The following UIMC1 variants were observed in gnomAD, a reference collection of about 807,000 sequenced individuals.
UIMC1 encodes the protein ubiquitin interaction motif containing 1.
In UIMC1, 42 loss-of-function variants were observed where a neutral mutation model predicts 84.9. The ratio of observed to expected loss-of-function variants is 0.49; its 90% confidence interval spans 0.39 to 0.64. UIMC1 has a LOEUF of 0.64. Among genes scored for constraint, UIMC1 ranks in the 30% least tolerant of loss-of-function variants. The pLI is 0.00. For synonymous variants in UIMC1, 281 were observed against 293.0 expected, an observed-to-expected ratio of 0.96 and a Z score of 0.42; for missense variants, 825 against 847.6, an observed-to-expected ratio of 0.97 and a Z score of 0.33.
intron 1 of UIMC1, 140 bp from the exon 2 acceptor site, chr5:176,982,763 G>A (rs993710576): frequency 1.1e-5 from 11 of 998,496 alleles, no homozygotes; most frequent in Admixed American, 2.9e-5. Flanking sequence ...GCAATGGCAC[G>A]ATCTTGGCTC....
In UIMC1 at chr5:176,969,335, T is replaced by C. The variant is rs1020801496; in HGVS notation, c.464-44A>G. The stretch of plus-strand genomic sequence containing the variant: ...AAGTAGGGCTAAGGACAAACTTTTT[T>C]ATTAAGAGGGCTTGGTAAGTTATCA... On this transcript the variant is annotated intron_variant, in intron 5 of 14. Coordinates refer to ENST00000511320, the MANE Select transcript of UIMC1 (RefSeq NM_001199298.2). 3.2e-6 allele frequency: 5 copies of C among 1,549,372 alleles called. No homozygotes were observed. The East Asian group carries it at 6.8e-5, about 21-fold the overall frequency.
chr5:176,930,485 T>C (rs992516419), intron 10 of UIMC1, among the ~76,000 whole-genome samples: 1 of 152,216 alleles, frequency 6.6e-6, no homozygotes, highest in Non-Finnish European at 1.5e-5. Flanking sequence ...CTTCCTCTTT[T>C]ATAAGTGAAA....
chr5:176,946,165 G>A (rs556784620), intron 9 of UIMC1, among the ~76,000 whole-genome samples: 10 of 152,156 alleles, frequency 6.6e-5, no homozygotes, highest in East Asian at 1.9e-4. Context: ...GACCCGCCCC[G>A]GACCCAGCTT....
intron 2 of UIMC1, among the ~76,000 whole-genome samples, chr5:176,980,537 T>A (rs1383330015): frequency 6.6e-6 from 1 of 152,178 alleles, no homozygotes; most frequent in African/African-American, 2.4e-5. Flanking sequence ...ACAGATGACA[T>A]CAAGAAATTA....
intron 6 of UIMC1, 140 bp from the exon 7 acceptor site, chr5:176,958,294 G>C (rs1766870667): frequency 1.1e-5 from 7 of 620,930 alleles, no homozygotes; most frequent in Non-Finnish European, 1.6e-5. Flanking sequence ...AAGCCAGTAA[G>C]TGTCAATAAA....
intron 1 of UIMC1, among the ~76,000 whole-genome samples, chr5:177,019,223 G>C (rs1775737202): frequency 6.6e-6 from 1 of 152,226 alleles, no homozygotes; most frequent in African/African-American, 2.4e-5. Flanking sequence ...CTAGCTGTGT[G>C]ATCTTCACAA....
chr5:177,016,804 C>G (rs926944223), intron 1 of UIMC1, among the ~76,000 whole-genome samples: 2 of 152,064 alleles, frequency 1.3e-5, no homozygotes, highest in Non-Finnish European at 2.9e-5. Flanking sequence ...AGGTGAATCA[C>G]CTGAGGTCAG....
At chr5:176,935,249 C>T (rs1331241964) in intron 10 of UIMC1, among the ~76,000 whole-genome samples, 1 of 152,182 alleles carries the variant, frequency 6.6e-6, no homozygotes, top group African/African-American at 2.4e-5. Context: ...TATAACTACA[C>T]TGAATTGCTT....
intron 3 of UIMC1, among the ~76,000 whole-genome samples, chr5:176,973,921 A>T (rs978595933): frequency 6.6e-6 from 1 of 152,054 alleles, no homozygotes; most frequent in East Asian, 1.9e-4. Flanking sequence ...TTAGCTGGGT[A>T]TGGTGATGCA....
chr5:176,970,977 T>A (rs1265134107), intron 3 of UIMC1, 111 bp from the exon 4 acceptor site: 39 of 1,353,638 alleles, frequency 2.9e-5, no homozygotes, highest in Non-Finnish European at 3.5e-5. Context: ...CCAGACCACT[T>A]AGTACAATTT....
At chr5:176,979,703 T>C (rs906129440) in intron 2 of UIMC1, among the ~76,000 whole-genome samples, 1 of 150,952 alleles carries the variant, frequency 6.6e-6, no homozygotes, top group African/African-American at 2.5e-5. Flanking sequence ...ACATTAATTT[T>C]TAAAACCATG....
At chr5:176,968,334 T>C (rs564484414) in intron 6 of UIMC1, among the ~76,000 whole-genome samples, 1 of 151,096 alleles carries the variant, frequency 6.6e-6, no homozygotes, top group South Asian at 2.1e-4. Context: ...GATTGCGCCA[T>C]TGCACTCCAG....
At chr5:176,920,864 G>A (rs1392961891) in intron 10 of UIMC1, among the ~76,000 whole-genome samples, 1 of 152,142 alleles carries the variant, frequency 6.6e-6, no homozygotes, top group African/African-American at 2.4e-5. Context: ...TTCTGATTTT[G>A]GGGAAAGCTT....
At chr5:176,923,894 CACACAG>C (rs1328876836) in intron 10 of UIMC1, among the ~76,000 whole-genome samples, 4 of 127,486 alleles carry the variant, frequency 3.1e-5, no homozygotes, top group South Asian at 2.4e-4. Context: ...TATATACACA[CACACAG>C]ACACACACAC....
At chr5:177,008,858 T>C (rs1239682607), upstream of UIMC1, among the ~76,000 whole-genome samples, 1 of 152,144 alleles carries the variant, frequency 6.6e-6, no homozygotes, top group Non-Finnish European at 1.5e-5. Context: ...CTCAATTTGC[T>C]CACTCAGGCC....
chr5:176,915,524 C>T (rs1443314740), intron 10 of UIMC1, among the ~76,000 whole-genome samples: 2 of 150,376 alleles, frequency 1.3e-5, no homozygotes, highest in East Asian at 1.9e-4. Flanking sequence ...GGTGTGGTAT[C>T]GGCTCACAGC....
chr5:176,946,730 G>A (rs911546885), intron 9 of UIMC1, among the ~76,000 whole-genome samples: 28 of 151,908 alleles, frequency 1.8e-4, no homozygotes, highest in Non-Finnish European at 2.9e-5. Flanking sequence ...AGCTACTTAG[G>A]TGGTTGAGGC....
chr5:176,985,607 GTT>G (rs200571695), intron 1 of UIMC1, among the ~76,000 whole-genome samples: 1 of 151,764 alleles, frequency 6.6e-6, no homozygotes, highest in East Asian at 1.9e-4. Context: ...TTACCTACAA[GTT>G]TTTTTTCTTT....
At chr5:176,955,771 A>C (rs1168494601) in intron 8 of UIMC1, among the ~76,000 whole-genome samples, 188 bp downstream of exon 8, 1 of 152,210 alleles carries the variant, frequency 6.6e-6, no homozygotes, top group Non-Finnish European at 1.5e-5. Flanking sequence ...AAAGATTGAG[A>C]ATAAAAGCCA....
Sources: allele counts gnomAD v4.1 joint callset (sites outside exome capture counted in the v4.1 genomes callset), GRCh38; gene constraint gnomAD v4.1.1; transcripts MANE v1.5; gene names NCBI Gene and HGNC (gene_info 2026-07-23, HGNC 2026-07-21).